SLC25A4: variants seen among roughly 807,000 people sequenced by gnomAD.
The protein encoded by SLC25A4 is solute carrier family 25 member 4, also known as ADP/ATP translocase 1.
SLC25A4 carries 10 observed loss-of-function variants against 24.7 expected under a neutral mutation model. The ratio of observed to expected loss-of-function variants is 0.41; its 90% confidence interval spans 0.25 to 0.69. The LOEUF is 0.69. Among genes scored for constraint, SLC25A4 ranks in the 30% least tolerant of loss-of-function variants. SLC25A4 has a pLI of 0.35. For missense variants in SLC25A4, 273 were observed against 387.6 expected, an observed-to-expected ratio of 0.70 and a Z score of 2.48; for synonymous variants, 125 against 153.3, an observed-to-expected ratio of 0.82 and a Z score of 1.36.
chr4:185,144,283 C>G (rs1032222274), intron 1 of SLC25A4, among the ~76,000 whole-genome samples: 4 of 152,180 alleles, frequency 2.6e-5, no homozygotes, highest in African/African-American at 9.7e-5. Context: ...TGGATTTATT[C>G]TCCTTCCTCT....
rs896466977 is a variant in SLC25A4 at position 185,143,304 on chromosome 4, G to C, written c.-69G>C. 7.7e-6 allele frequency: 7 copies of C among 914,364 alleles called. No homozygotes were observed. Among genetic ancestry groups the C allele is most frequent in the African/African-American group, 7.0e-5 (4 of 57,438 alleles). 56.6% of individuals were successfully genotyped at this position (914,364 alleles called of 1,614,324 possible). The stretch of plus-strand genomic sequence containing the variant: ...CGCGCAGGGTCGGGGACTGCGCGGC[G>C]GTGCCAGGCCGGGCGTGGGCGAGAG... On this transcript the variant is annotated 5_prime_UTR_variant, in exon 1 of 4. Coordinates refer to ENST00000281456, the MANE Select transcript of SLC25A4 (RefSeq NM_001151.4).
chr4:185,146,829 C>T lies in SLC25A4; in HGVS notation c.755C>T (p.Thr252Met), dbSNP rs753197100. The T allele has an allele frequency of 9.3e-6, 15 of 1,614,068 alleles. No individual in the cohort carries two copies. Among genetic ancestry groups the T allele is most frequent in the Admixed American group, 3.3e-5 (2 of 60,004 alleles). Reference sequence around the variant, plus strand: ...GTTTCCACAGCCGATATTATGTACACGGGGACAGTTGACTGCTGGAGGAAG... The same window carrying T: ...GTTTCCACAGCCGATATTATGTACATGGGGACAGTTGACTGCTGGAGGAAG... ...SGRKGADIMYTGTVDCWRKIA... is the reference protein window; with the variant it reads ...SGRKGADIMYMGTVDCWRKIA... Residue 252 changes from threonine to methionine, a missense_variant, in exon 4 of 4, where the codon ACG becomes ATG. Coordinates refer to ENST00000281456, the MANE Select transcript of SLC25A4 (RefSeq NM_001151.4).
chr4:185,144,675 C>T, intron 1 of SLC25A4, 89 bp from the exon 2 acceptor site: 2 of 1,275,888 alleles, frequency 1.6e-6, no homozygotes, highest in Non-Finnish European at 2.2e-6. Context: ...AAAAAAAAAT[C>T]TAGGAAGTGC....
At chr4:185,146,330 T>C (rs1734442845) in intron 3 of SLC25A4, among the ~76,000 whole-genome samples, 1 of 152,180 alleles carries the variant, frequency 6.6e-6, no homozygotes, top group Non-Finnish European at 1.5e-5. Flanking sequence ...CCAGAGAAAG[T>C]TTTGGCTTCT....
intron 1 of SLC25A4, among the ~76,000 whole-genome samples, 156 bp downstream of exon 1, chr4:185,143,639 A>T (rs1363167200): frequency 7.4e-6 from 1 of 134,894 alleles, no homozygotes; most frequent in Non-Finnish European, 1.6e-5. Flanking sequence ...CCGCGGGGGA[A>T]GAAGGTGCCC....
In SLC25A4 at chr4:185,145,092, A is replaced by C. The variant is rs765947532; in HGVS notation, c.440A>C (p.Lys147Thr). The change falls in exon 2 of 4, where the codon AAG (lysine) becomes ACG (threonine). Residue 147 changes from lysine to threonine, a missense_variant. Lys to Thr is a moderately conservative substitution (Grantham distance 78, BLOSUM62 -1). Transcript: ENST00000281456. The surrounding 1 kb of genome is among the most constrained non-coding windows in gnomAD (Gnocchi z 5.5). ...ACCAGGTTGGCTGCTGATGTGGGCA[A>C]GGGCGCCGCCCAGCGTGAGTTCCAT... ...ARTRLAADVG[K>T]GAAQREFHGL... 1 of 1,613,572 alleles carries C rather than the reference A, an allele frequency of 6.2e-7. No individual in the cohort carries two copies. Among genetic ancestry groups the C allele is most frequent in the Non-Finnish European group, 8.5e-7 (1 of 1,179,582 alleles).
At position 185,147,262 on chromosome 4, in the gene SLC25A4, A is replaced by G. The variant is rs1734458475; in HGVS notation, c.*291A>G. ...TGAATGTGAAACATCAATAAAGACC[A>G]CTTAATGCACGCTTTCTATTTTATT... On this transcript the variant is annotated 3_prime_UTR_variant, in exon 4 of 4. Coordinates refer to ENST00000281456, the MANE Select transcript of SLC25A4 (RefSeq NM_001151.4). The G allele has an allele frequency of 3.1e-6, 1 of 327,492 alleles. No individual in the cohort carries two copies. Among genetic ancestry groups the G allele is most frequent in the East Asian group, 6.3e-5 (1 of 15,872 alleles). The allele number at this position is 327,492 out of a possible 1,614,324, so 20.3% of individuals were successfully genotyped here.
Position 185,144,867 on chromosome 4 carries a change from G to C in SLC25A4, c.215G>C (p.Arg72Thr). Residue 72 changes from arginine to threonine, a missense_variant, in exon 2 of 4, where the codon AGG (arginine) becomes ACG (threonine). Transcript: ENST00000281456. The part of the protein sequence containing the change: ...PKEQGFLSFW[R>T]GNLANVIRYF... ...GAGCAGGGCTTCCTCTCCTTCTGGAGGGGTAACCTGGCCAACGTGATCCGT... is the reference window on the plus strand; with the variant it reads ...GAGCAGGGCTTCCTCTCCTTCTGGACGGGTAACCTGGCCAACGTGATCCGT... The C allele has an allele frequency of 6.2e-7, 1 of 1,614,182 alleles. No homozygotes were observed. Among genetic ancestry groups the C allele is most frequent in the Non-Finnish European group, 8.5e-7 (1 of 1,180,028 alleles).
At position 185,148,153 on chromosome 4, in the gene SLC25A4, A is replaced by G. The variant is rs1156512123; in HGVS notation, c.*1182A>G. On this transcript the variant is annotated 3_prime_UTR_variant, in exon 4 of 4. Coordinates refer to ENST00000281456, the MANE Select transcript of SLC25A4 (RefSeq NM_001151.4). ...TCTGATGAGGGCCCTCTTCTGGGTT[A>G]TAAACTACGGACTTCTTGTATCCTT... 1 of 152,156 alleles carries G rather than the reference A, an allele frequency of 6.6e-6. No individual in the cohort carries two copies. Among genetic ancestry groups the G allele is most frequent in the Admixed American group, 6.5e-5 (1 of 15,274 alleles). The allele number at this position is 152,156 out of a possible 1,614,324, so 9.4% of individuals were successfully genotyped here.
At position 185,147,148 on chromosome 4, in the gene SLC25A4, A is replaced by G. The variant is rs1014106793; in HGVS notation, c.*177A>G. 25 of 576,258 alleles carry G rather than the reference A, an allele frequency of 4.3e-5. No homozygotes were observed. Among genetic ancestry groups the G allele is most frequent in the Middle Eastern group, 9.2e-4 (2 of 2,184 alleles). 35.7% of individuals were successfully genotyped at this position (576,258 alleles called of 1,614,324 possible). A position where few individuals can be genotyped will look rare whatever the true frequency, so the allele number is the denominator to read the frequency against. ...TGAGTGTTCATTAAACCACACATGT[A>G]TTTTGTATTTATTTTACATTTAAAT... On this transcript the variant is annotated 3_prime_UTR_variant, in exon 4 of 4. Transcript: ENST00000281456.
At position 185,146,956 on chromosome 4, in the gene SLC25A4, C is replaced by A. The variant is rs142164891; in HGVS notation, c.882C>A (p.Ile294=). 2.4e-5 allele frequency: 39 copies of A among 1,613,676 alleles called. No homozygotes were observed. In the East Asian group the frequency reaches 3.6e-4, roughly 15 times the overall value. The change falls in exon 4 of 4, where the codon ATC becomes ATA. Residue 294 remains isoleucine, a synonymous_variant. Coordinates refer to ENST00000281456, the MANE Select transcript of SLC25A4 (RefSeq NM_001151.4). ...TTGTATTGGTGTTGTATGATGAGAT[C>A]AAAAAATATGTCTAATGTAATTAAA... is the stretch of plus-strand genomic sequence containing the variant. ...GAFVLVLYDE[I]KKYV
At position 185,143,290 on chromosome 4, in the gene SLC25A4, G is replaced by T; in HGVS notation, c.-83G>T. 1 of 759,220 alleles carries T rather than the reference G, an allele frequency of 1.3e-6. No individual in the cohort carries two copies. The highest frequency in any genetic ancestry group is 2.2e-6 in the Non-Finnish European group (1 of 456,124). 47.0% of individuals were successfully genotyped at this position (759,220 alleles called of 1,614,324 possible). A position where few individuals can be genotyped will look rare whatever the true frequency, so the allele number is the denominator to read the frequency against. On this transcript the variant is annotated 5_prime_UTR_variant, in exon 1 of 4. Coordinates refer to ENST00000281456, the MANE Select transcript of SLC25A4 (RefSeq NM_001151.4). ...CGGCCCCCTAGCGTCGCGCAGGGTCGGGGACTGCGCGGCGGTGCCAGGCCG... is the reference window on the plus strand; with the variant it reads ...CGGCCCCCTAGCGTCGCGCAGGGTCTGGGACTGCGCGGCGGTGCCAGGCCG...
rs746499249 is a variant in SLC25A4 at position 185,145,732 on chromosome 4, C to A, written c.599-27C>A. The A allele has an allele frequency of 2.5e-6, 4 of 1,613,932 alleles. No individual in the cohort carries two copies. Among genetic ancestry groups the A allele is most frequent in the South Asian group, 2.2e-5 (2 of 91,066 alleles). ...CTGCTGAGAACAGGCACTTCATAGC[C>A]GTTCGGCTTCTGGGCTCTGTCCACA... On this transcript the variant is annotated intron_variant, in intron 2 of 3. Coordinates refer to ENST00000281456, the MANE Select transcript of SLC25A4 (RefSeq NM_001151.4). The surrounding 1 kb of genome is among the most constrained non-coding windows in gnomAD (Gnocchi z 5.5).
Position 185,149,532 on chromosome 4 carries a change from AC to A in SLC25A4, c.*2564del, listed in dbSNP as rs1172664261. 6.6e-6 allele frequency: 1 copy of A among 152,090 alleles called. No homozygotes were observed. Among genetic ancestry groups the A allele is most frequent in the African/African-American group, 2.4e-5 (1 of 41,382 alleles). 9.4% of individuals were successfully genotyped at this position (152,090 alleles called of 1,614,324 possible). On this transcript the variant is annotated 3_prime_UTR_variant, in exon 4 of 4. Transcript: ENST00000281456. ...ACTTAACTCACCATGAATTCCTAGA[AC>A]CCTCAGCCTCTGAGAGTGCTGGGAT...
Position 185,145,301 on chromosome 4 carries a change from A to G in SLC25A4, c.598+51A>G, listed in dbSNP as rs1370025573. On this transcript the variant is annotated intron_variant, in intron 2 of 3. Transcript: ENST00000281456. This position sits in a 1 kb window ranked among gnomAD's most constrained non-coding sequence, Gnocchi z 5.5. Reference sequence around the variant, plus strand: ...GAGGGTGGTGTGGAAAGAGGATCCTATGGGATCTATAACTCACAAAGGACC... The same window carrying G: ...GAGGGTGGTGTGGAAAGAGGATCCTGTGGGATCTATAACTCACAAAGGACC... 5 of 1,611,342 alleles carry G rather than the reference A, an allele frequency of 3.1e-6. No homozygotes were observed. The highest frequency in any genetic ancestry group is 1.7e-5 in the Admixed American group (1 of 59,992).
In SLC25A4 at chr4:185,143,332, C is replaced by T. The variant is rs1734377639; in HGVS notation, c.-41C>T. On this transcript the variant is annotated 5_prime_UTR_variant, in exon 1 of 4. In the 5' UTR this introduces an upstream ATG that the reference lacks. Coordinates refer to ENST00000281456, the MANE Select transcript of SLC25A4 (RefSeq NM_001151.4). ...GCCAGGCCGGGCGTGGGCGAGAGCA[C>T]GAACGGGCTGCCTGCGGGCTGAGAG... is the stretch of plus-strand genomic sequence containing the variant. 1 of 1,282,030 alleles carries T rather than the reference C, an allele frequency of 7.8e-7. No homozygotes were observed. Among genetic ancestry groups the T allele is most frequent in the Non-Finnish European group, 1.1e-6 (1 of 916,518 alleles). 79.4% of individuals were successfully genotyped at this position (1,282,030 alleles called of 1,614,324 possible). A position where few individuals can be genotyped will look rare whatever the true frequency, so the allele number is the denominator to read the frequency against.
In SLC25A4 at chr4:185,143,340, C is replaced by G. The variant is rs1165326214; in HGVS notation, c.-33C>G. The G allele has an allele frequency of 7.5e-7, 1 of 1,331,718 alleles. No individual in the cohort carries two copies. The allele number at this position is 1,331,718 out of a possible 1,614,324, so 82.5% of individuals were successfully genotyped here. ...GGGCGTGGGCGAGAGCACGAACGGG[C>G]TGCCTGCGGGCTGAGAGCGTCGAGC... On this transcript the variant is annotated 5_prime_UTR_variant, in exon 1 of 4. Coordinates refer to ENST00000281456, the MANE Select transcript of SLC25A4 (RefSeq NM_001151.4).
chr4:185,143,652 T>C (rs1734387092), intron 1 of SLC25A4, among the ~76,000 whole-genome samples, 169 bp downstream of exon 1: 1 of 134,650 alleles, frequency 7.4e-6, no homozygotes. Context: ...AGGTGCCCTC[T>C]GCGTAGAGAC....
intron 1 of SLC25A4, among the ~76,000 whole-genome samples, chr4:185,144,151 C>A (rs1244642901): frequency 6.6e-6 from 1 of 152,166 alleles, no homozygotes; most frequent in Non-Finnish European, 1.5e-5. Flanking sequence ...GAGGAAGAGC[C>A]CAATTTGGGA....
Sources: gnomAD v4.1 joint callset for allele counts (sites outside exome capture counted in the v4.1 genomes callset) on GRCh38, gnomAD v4.1.1 for gene constraint, Gnocchi (gnomAD v3.1) non-coding constraint, MANE v1.5 for transcripts, NCBI Gene and HGNC (gene_info 2026-07-23, HGNC 2026-07-21) for gene names.